Variants in KIF5A observed in about 807,000 individuals in gnomAD.
KIF5A encodes the protein kinesin family member 5A, also known as kinesin heavy chain isoform 5A.
In KIF5A, 35 loss-of-function variants were observed where a neutral mutation model predicts 141.3. The ratio of observed to expected loss-of-function variants is 0.25; its 90% CI spans 0.19 to 0.33. KIF5A has a LOEUF of 0.33. Among genes scored for constraint, KIF5A ranks in the 10% least tolerant of loss-of-function variants. The pLI is 1.00. For missense variants in KIF5A, 861 were observed against 1,314.3 expected (o/e 0.66, Z 5.33); for synonymous variants, 448 against 500.2 (o/e 0.90, Z 1.39).
At position 57,572,124 on chromosome 12, in the gene KIF5A, G is replaced by C; in HGVS notation, c.1426G>C (p.Glu476Gln). 1 of 1,614,184 alleles carries C rather than the reference G, an allele frequency of 6.2e-7. No individual in the cohort carries two copies. Among genetic ancestry groups the C allele is most frequent in the Non-Finnish European group, 8.5e-7 (1 of 1,180,048 alleles). The change falls in exon 14 of 29, where the codon GAG becomes CAG. Residue 476 changes from glutamate to glutamine, a missense_variant. Transcript: ENST00000455537. The surrounding 1 kb of genome is among the most constrained non-coding windows in gnomAD (Gnocchi z 4.2). Reference protein sequence around the residue: ...VQRELSHLQSENDAAKDEVKE... With the variant: ...VQRELSHLQSQNDAAKDEVKE... ...GCGGGAGCTGAGCCACCTGCAATCA[G>C]AGAACGATGCCGCTAAGGATGAGGT...
intron 8 of KIF5A, among the ~76,000 whole-genome samples, chr12:57,568,055 G>A (rs1882123191): frequency 1.3e-5 from 2 of 152,020 alleles, no homozygotes; most frequent in Non-Finnish European, 2.9e-5. Context: ...GCTAATTTTT[G>A]TATTTTTAGT....
intron 6 of KIF5A, among the ~76,000 whole-genome samples, chr12:57,565,314 G>T (rs1171376050): frequency 1.3e-5 from 2 of 152,064 alleles, no homozygotes; most frequent in Non-Finnish European, 2.9e-5. Flanking sequence ...CCAGCTATTT[G>T]GGACACTGAA....
chr12:57,569,144 T>A, intron 9 of KIF5A, 77 bp downstream of exon 9: 2 of 1,552,896 alleles, frequency 1.3e-6, no homozygotes, highest in Non-Finnish European at 1.8e-6. Context: ...CACCATATGA[T>A]CATGCCCCAA....
chr12:57,563,798 G>A lies in KIF5A; in HGVS notation c.291+105G>A. The A allele has an allele frequency of 3.9e-6, 4 of 1,036,394 alleles. No individual in the cohort carries two copies. The South Asian group carries it at 5.1e-5, about 13-fold the overall frequency. 64.2% of individuals were successfully genotyped at this position (1,036,394 alleles called of 1,614,324 possible). A position where few individuals can be genotyped will look rare whatever the true frequency, so the allele number is the denominator to read the frequency against. On this transcript the variant is annotated intron_variant, in intron 3 of 28. Coordinates refer to ENST00000455537, the MANE Select transcript of KIF5A (RefSeq NM_004984.4). ...GAATCAAGGATTGCCTGGTCCAGAG[G>A]CAGATAGATGAGTACAGAGGATGAA... is the stretch of plus-strand genomic sequence containing the variant.
At chr12:57,571,235 G>A (rs1046809381) in intron 12 of KIF5A, 86 bp from the exon 13 acceptor site, 2 of 824,058 alleles carry the variant, frequency 2.4e-6, no homozygotes, top group African/African-American at 3.3e-5. Flanking sequence ...TTTTTATCAG[G>A]ATCCTGCCTC....
Position 57,551,343 on chromosome 12 carries a change from A to G in KIF5A, c.129+943A>G, listed in dbSNP as rs117315558. On this transcript the variant is annotated intron_variant, in intron 1 of 28. Coordinates refer to ENST00000455537, the MANE Select transcript of KIF5A (RefSeq NM_004984.4). ...AGAAATTGAGGCCCAAAGAACTTGAATAACTTTCTCAAGGTCATGCTATTC... is the reference window on the plus strand; with the variant it reads ...AGAAATTGAGGCCCAAAGAACTTGAGTAACTTTCTCAAGGTCATGCTATTC... Among the ~76,000 whole-genome samples, 126 of 152,368 alleles carry G rather than the reference A, an allele frequency of 8.3e-4. 1 individual carries two copies. The East Asian group carries it at 0.021, about 25-fold the overall frequency.
Position 57,569,563 on chromosome 12 carries a change from G to A in KIF5A, c.997G>A (p.Val333Ile), listed in dbSNP as rs1385454359. The A allele has an allele frequency of 6.2e-7, 1 of 1,613,992 alleles. No homozygotes were observed. Among genetic ancestry groups the A allele is most frequent in the Non-Finnish European group, 8.5e-7 (1 of 1,180,036 alleles). The change falls in exon 11 of 29, where the codon GTA becomes ATA. Residue 333 changes from valine (V) to isoleucine (I), a missense_variant. Val to Ile is a conservative substitution (Grantham distance 29). This residue lies in a region of KIF5A where 146 missense variants were observed against 353.4 expected (regional missense o/e 0.41). Transcript: ENST00000455537. Reference sequence around the variant, plus strand: ...AAAGACCATTAAGAACACTGCCTCAGTAAATTTGGAGTTGACTGCTGAGCA... The same window carrying A: ...AAAGACCATTAAGAACACTGCCTCAATAAATTTGGAGTTGACTGCTGAGCA... ...RAKTIKNTAS[V>I]NLELTAEQWK...
chr12:57,571,944 C>G lies in KIF5A; in HGVS notation c.1363-117C>G, dbSNP rs1186254687. The G allele has an allele frequency of 3.7e-6, 3 of 813,178 alleles. No individual in the cohort carries two copies. The African/African-American group carries it at 5.1e-5, about 14-fold the overall frequency. The allele number at this position is 813,178 out of a possible 1,614,324, so 50.4% of individuals were successfully genotyped here. ...GCCCTATTTCTATGAAACCTAAAGC[C>G]CACTTCCTCTTAACTCTTTATTTTG... On this transcript the variant is annotated intron_variant, in intron 13 of 28. Transcript: ENST00000455537.
At chr12:57,553,003 C>G (rs1303871690) in intron 1 of KIF5A, among the ~76,000 whole-genome samples, 1 of 152,094 alleles carries the variant, frequency 6.6e-6, no homozygotes, top group Non-Finnish European at 1.5e-5. Context: ...TTCCAGGAAC[C>G]TGGGGGATGG....
In KIF5A at chr12:57,586,353, G is replaced by A. The variant is rs1039103344; in HGVS notation, c.*2172G>A. The A allele has an allele frequency of 1.3e-5, 2 of 152,228 alleles. No individual in the cohort carries two copies. The highest frequency in any genetic ancestry group is 2.9e-5 in the Non-Finnish European group (2 of 68,038). The allele number at this position is 152,228 out of a possible 1,614,324, so 9.4% of individuals were successfully genotyped here. A position where few individuals can be genotyped will look rare whatever the true frequency, so the allele number is the denominator to read the frequency against. On this transcript the variant is annotated 3_prime_UTR_variant, in exon 29 of 29. Coordinates refer to ENST00000455537, the MANE Select transcript of KIF5A (RefSeq NM_004984.4). ...GGAGCAGCCTTCTCTTTAGCAAGAT[G>A]TAAGGGAAATATAATTCACTTACAT...
In KIF5A at chr12:57,550,525, T is replaced by G; in HGVS notation, c.129+125T>G. The G allele has an allele frequency of 9.8e-5, 90 of 918,830 alleles. No individual in the cohort carries two copies. The highest frequency in any genetic ancestry group is 3.6e-4 in the Middle Eastern group (1 of 2,762). 56.9% of individuals were successfully genotyped at this position (918,830 alleles called of 1,614,324 possible). On this transcript the variant is annotated intron_variant, in intron 1 of 28. Coordinates refer to ENST00000455537, the MANE Select transcript of KIF5A (RefSeq NM_004984.4). The surrounding 1 kb of genome is among the most constrained non-coding windows in gnomAD (Gnocchi z 4.6). ...CCCCGCCGCTCATCCTTCATCCTCT[T>G]CCCCGCAGCCCCTCCTCTCCCCTGC...
At chr12:57,579,967 CAA>C (rs1473419253) in intron 23 of KIF5A, among the ~76,000 whole-genome samples, 1 of 152,088 alleles carries the variant, frequency 6.6e-6, no homozygotes. Context: ...TCAGCAGACA[CAA>C]GAGTAAAAAG....
chr12:57,564,530 A>G lies in KIF5A; in HGVS notation c.445+22A>G, dbSNP rs775322. 639,756 of 1,577,814 alleles carry G rather than the reference A, an allele frequency of 0.41. 137,947 individuals are homozygous for G. The highest frequency in any genetic ancestry group is 0.79 in the East Asian group (35,064 of 44,598). On this transcript the variant is annotated intron_variant, in intron 5 of 28. Transcript: ENST00000455537. ...GATGGTGAGTGTTTTGTCCCAGTGG[A>G]TGAGGGTGTGTGAGGAGGGTGGAGA...
At chr12:57,576,714 A>G (rs1882437728) in intron 19 of KIF5A, 47 bp from the exon 20 acceptor site, 7 of 1,394,698 alleles carry the variant, frequency 5.0e-6, no homozygotes, top group Non-Finnish European at 7.1e-6. Context: ...CTTCCCCCTC[A>G]TTAACATCTT....
intron 13 of KIF5A, among the ~76,000 whole-genome samples, chr12:57,571,827 G>A (rs1202752679): frequency 1.3e-5 from 2 of 152,126 alleles, no homozygotes; most frequent in African/African-American, 2.4e-5. Flanking sequence ...CCAAAGTGCT[G>A]GGATTACAGG....
chr12:57,551,221 G>A (rs1335432757), intron 1 of KIF5A, among the ~76,000 whole-genome samples: 1 of 152,036 alleles, frequency 6.6e-6, no homozygotes, highest in East Asian at 1.9e-4. Context: ...TATCTTAAGG[G>A]AACTAATATT....
rs748759066 is a variant in KIF5A at position 57,581,038 on chromosome 12, C to T, written c.2621C>T (p.Ala874Val). 9 of 1,614,064 alleles carry T rather than the reference C, an allele frequency of 5.6e-6. No homozygotes were observed. The highest frequency in any genetic ancestry group is 6.8e-6 in the Non-Finnish European group (8 of 1,180,014). Reference protein sequence around the residue: ...RLRATAERVKALEGALKEAKE... With the variant: ...RLRATAERVKVLEGALKEAKE... Reference sequence around the variant, plus strand: ...AGGGCTACGGCTGAGAGAGTTAAGGCCCTGGAGGGTGCACTGAAGGAGGCC... The same window carrying T: ...AGGGCTACGGCTGAGAGAGTTAAGGTCCTGGAGGGTGCACTGAAGGAGGCC... Residue 874 changes from alanine (A) to valine (V), a missense_variant, in exon 24 of 29, where the codon GCC becomes GTC. Ala to Val is a moderately conservative substitution (Grantham distance 64, BLOSUM62 0). Transcript: ENST00000455537.
chr12:57,570,959 ATTTTTTTT>A (rs58715013), intron 12 of KIF5A, among the ~76,000 whole-genome samples: 2 of 129,330 alleles, frequency 1.5e-5, no homozygotes, highest in Non-Finnish European at 3.2e-5. Flanking sequence ...CGCCCAGCTA[ATTTTTTTT>A]TTTTTTTTTT....
chr12:57,557,123 T>C (rs777818416), intron 1 of KIF5A, among the ~76,000 whole-genome samples: 11 of 152,142 alleles, frequency 7.2e-5, no homozygotes, highest in Non-Finnish European at 1.3e-4. Context: ...GCGCCTAATA[T>C]AATACAACTA....
Sources: gnomAD v4.1 joint callset for allele counts (sites outside exome capture counted in the v4.1 genomes callset) on GRCh38, gnomAD v4.1.1 for gene constraint, gnomAD v4.1.1 regional missense constraint, Gnocchi (gnomAD v3.1) non-coding constraint, MANE v1.5 for transcripts, NCBI Gene and HGNC (gene_info 2026-07-23, HGNC 2026-07-21) for gene names.